Variants in BNIP2 observed in about 807,000 individuals in gnomAD.
BNIP2 encodes BCL2 interacting protein 2, also known as BCL2/adenovirus E1B 19 kDa protein-interacting protein 2.
A neutral mutation model predicts 43.4 loss-of-function variants in BNIP2; 36 were observed. That is an observed-to-expected ratio of 0.83 (90% CI 0.64 to 1.10). The LOEUF is 1.10. Ranked by LOEUF, BNIP2 falls within the 50% of genes least tolerant of loss-of-function variation. The probability of loss-of-function intolerance (pLI) is 0.00; values close to 1 mark genes in which losing one functional copy is unlikely to be tolerated. For synonymous variants in BNIP2, 146 were observed against 121.0 expected (o/e 1.21, Z -1.35); for missense variants, 417 against 374.1 (o/e 1.11, Z -0.95).
Position 59,679,668 on chromosome 15 carries a change from A to G in BNIP2, c.219T>C (p.Asp73=), listed in dbSNP as rs746128556. The G allele has an allele frequency of 6.2e-7, 1 of 1,613,076 alleles. No homozygotes were observed. Residue 73 remains aspartate (D), a synonymous_variant, in exon 4 of 10, where the codon GAT becomes GAC. Transcript: ENST00000607373. The part of the protein sequence containing the change: ...DPSDGSVLSD[D]LDESGEIDLD... ...AGTCAATCTCCCCACTTTCATCCAAATCATCTGACAATACAGAGCCATCAC... is the reference window on the plus strand; with the variant it reads ...AGTCAATCTCCCCACTTTCATCCAAGTCATCTGACAATACAGAGCCATCAC...
chr15:59,669,259 T>G lies in BNIP2; in HGVS notation c.794+17A>C. On this transcript the variant is annotated intron_variant, in intron 8 of 9. Coordinates refer to ENST00000607373, the MANE Select transcript of BNIP2 (RefSeq NM_004330.4). ...ATAAAAAAAATAAAATTAAAGTCAA[T>G]GGCTCTCAAAAATTACCTAATAAAT... 6.7e-7 allele frequency: 1 copy of G among 1,499,170 alleles called. No individual in the cohort carries two copies. The highest frequency in any genetic ancestry group is 9.0e-7 in the Non-Finnish European group (1 of 1,114,164). 92.9% of individuals were successfully genotyped at this position (1,499,170 alleles called of 1,614,324 possible).
intron 5 of BNIP2, among the ~76,000 whole-genome samples, chr15:59,674,094 AAAAAAAC>A (rs1160742533): frequency 1.3e-5 from 2 of 149,566 alleles, no homozygotes; most frequent in African/African-American, 5.0e-5. Flanking sequence ...GGGTCTCAAA[AAAAAAAC>A]AAAAACAAAA....
intron 2 of BNIP2, among the ~76,000 whole-genome samples, 193 bp from the exon 3 acceptor site, chr15:59,680,501 C>A (rs937882346): frequency 6.6e-6 from 1 of 152,170 alleles, no homozygotes; most frequent in Non-Finnish European, 1.5e-5. Context: ...TGGCTCACTG[C>A]AGCCTTAACT....
intron 1 of BNIP2, chr15:59,688,498 G>A: frequency 6.4e-6 from 3 of 465,926 alleles, no homozygotes; most frequent in East Asian, 4.5e-5. Flanking sequence ...AAGCTGTTTC[G>A]TCAAAGAGCT....
rs1179617810 is a variant in BNIP2 at position 59,661,281 on chromosome 15, G to A, written c.*2788C>T. On this transcript the variant is annotated 3_prime_UTR_variant, in exon 10 of 10. Transcript: ENST00000607373. Reference sequence around the variant, plus strand: ...GGAGGCAGAGGTTGCAGTGAGCCAGGATTGCGCCACTGCACTCCAGAATGG... The same window carrying A: ...GGAGGCAGAGGTTGCAGTGAGCCAGAATTGCGCCACTGCACTCCAGAATGG... 7.5e-6 allele frequency: 1 copy of A among 133,642 alleles called. No homozygotes were observed. Among genetic ancestry groups the A allele is most frequent in the Non-Finnish European group, 1.5e-5 (1 of 65,536 alleles). 8.3% of individuals were successfully genotyped at this position (133,642 alleles called of 1,614,324 possible). A position where few individuals can be genotyped will look rare whatever the true frequency, so the allele number is the denominator to read the frequency against.
At chr15:59,672,955 GA>G (rs1365319226) in intron 5 of BNIP2, among the ~76,000 whole-genome samples, 1 of 151,798 alleles carries the variant, frequency 6.6e-6, no homozygotes, top group Admixed American at 6.5e-5. Context: ...ACGGTGGACA[GA>G]AAAAACAAAA....
chr15:59,668,680 C>T, intron 9 of BNIP2: 1 of 477,712 alleles, frequency 2.1e-6, no homozygotes, highest in Non-Finnish European at 3.7e-6. Context: ...TATCCTAGTT[C>T]TTCAACTGAC....
intron 1 of BNIP2, among the ~76,000 whole-genome samples, chr15:59,686,114 G>A (rs1893997660): frequency 6.6e-6 from 1 of 152,182 alleles, no homozygotes; most frequent in Non-Finnish European, 1.5e-5. Flanking sequence ...ATTCAAAACA[G>A]TTGTTGACCT....
chr15:59,678,397 A>C (rs1051446748), intron 4 of BNIP2: 42 of 1,087,004 alleles, frequency 3.9e-5, no homozygotes, highest in Middle Eastern at 4.3e-4. Flanking sequence ...CACTGGCCTT[A>C]CAATGCCTTT....
At chr15:59,674,362 A>G (rs771429185) in intron 5 of BNIP2, among the ~76,000 whole-genome samples, 8 of 152,188 alleles carry the variant, frequency 5.3e-5, no homozygotes, top group Non-Finnish European at 1.0e-4. Flanking sequence ...TGGTAATGCA[A>G]TAAAATAAGG....
chr15:59,674,575 T>A (rs569662301), intron 5 of BNIP2, among the ~76,000 whole-genome samples: 2 of 152,178 alleles, frequency 1.3e-5, no homozygotes, highest in African/African-American at 4.8e-5. Context: ...TCATGTGATT[T>A]GCTTTCAGAT....
intron 1 of BNIP2, among the ~76,000 whole-genome samples, chr15:59,686,014 G>C: frequency 6.6e-6 from 1 of 152,168 alleles, no homozygotes; most frequent in Non-Finnish European, 1.5e-5. Context: ...TAACCTGTTG[G>C]CACAGGAATA....
Position 59,660,600 on chromosome 15 carries a change from T to C in BNIP2, c.*3469A>G, listed in dbSNP as rs1036086224. 8.5e-5 allele frequency: 13 copies of C among 152,364 alleles called. No individual in the cohort carries two copies. Among genetic ancestry groups the C allele is most frequent in the Middle Eastern group, 6.8e-3 (2 of 294 alleles). 9.4% of individuals were successfully genotyped at this position (152,364 alleles called of 1,614,324 possible). On this transcript the variant is annotated 3_prime_UTR_variant, in exon 10 of 10. Transcript: ENST00000607373. ...TAAACAGCCAAATAGAAATGTTATA[T>C]AGTCTTTTTAAAAGGCCTCTATCAA... is the stretch of plus-strand genomic sequence containing the variant.
Position 59,689,317 on chromosome 15 carries a change from C to G in BNIP2, c.-240G>C, listed in dbSNP as rs937741958. 4.5e-5 allele frequency: 70 copies of G among 1,547,476 alleles called. No individual in the cohort carries two copies. The highest frequency in any genetic ancestry group is 5.8e-5 in the Non-Finnish European group (67 of 1,145,856). On this transcript the variant is annotated 5_prime_UTR_variant, in exon 1 of 10. Transcript: ENST00000607373. ...TCGGCGGCAGCAGCTGACCCGGACACAGTGAGAAGCCCCGGCGGAAGTGAT... is the reference window on the plus strand; with the variant it reads ...TCGGCGGCAGCAGCTGACCCGGACAGAGTGAGAAGCCCCGGCGGAAGTGAT...
intron 5 of BNIP2, chr15:59,676,645 T>C (rs540203714): frequency 5.1e-6 from 3 of 585,736 alleles, no homozygotes; most frequent in South Asian, 2.2e-5. Context: ...ATAATATCTC[T>C]AGGCAGAGTT....
At chr15:59,666,906 CTGA>C (rs1892602649) in intron 9 of BNIP2, among the ~76,000 whole-genome samples, 1 of 151,854 alleles carries the variant, frequency 6.6e-6, no homozygotes, top group Admixed American at 6.6e-5. Flanking sequence ...CATATTTTTT[CTGA>C]TGTCTAAATT....
chr15:59,659,757 CATT>C lies in BNIP2; in HGVS notation c.*4309_*4311del, dbSNP rs1265677221. ...CTAAGACATCCTACAAGCCTAGTAT[CATT>C]AATTTGAAAGCACGAAATGATTTTC... On this transcript the variant is annotated 3_prime_UTR_variant, in exon 10 of 10. Coordinates refer to ENST00000607373, the MANE Select transcript of BNIP2 (RefSeq NM_004330.4). 2.0e-5 allele frequency: 3 copies of C among 152,270 alleles called. No individual in the cohort carries two copies. Among genetic ancestry groups the C allele is most frequent in the Non-Finnish European group, 2.9e-5 (2 of 68,032 alleles). The allele number at this position is 152,270 out of a possible 1,614,324, so 9.4% of individuals were successfully genotyped here. A position where few individuals can be genotyped will look rare whatever the true frequency, so the allele number is the denominator to read the frequency against.
chr15:59,675,597 ACT>A (rs1263711780), intron 5 of BNIP2, among the ~76,000 whole-genome samples: 2 of 152,200 alleles, frequency 1.3e-5, no homozygotes, highest in African/African-American at 2.4e-5. Flanking sequence ...ACAGAGCAAG[ACT>A]CTGTCTCAAA....
intron 5 of BNIP2, chr15:59,676,740 G>T (rs1046293189): frequency 4.6e-6 from 6 of 1,310,976 alleles, no homozygotes; most frequent in Middle Eastern, 1.8e-4. Flanking sequence ...CGGTGCGGGC[G>T]GCAGAGTTGG....
Sources: gnomAD v4.1 joint callset for allele counts (sites outside exome capture counted in the v4.1 genomes callset) on GRCh38, gnomAD v4.1.1 for gene constraint, MANE v1.5 for transcripts, NCBI Gene and HGNC (gene_info 2026-07-23, HGNC 2026-07-21) for gene names.